The following CAMK2D variants were observed in gnomAD, a reference collection of about 807,000 sequenced individuals.
CAMK2D encodes calcium/calmodulin-dependent protein kinase type II subunit delta.
CAMK2D carries 37 observed loss-of-function variants against 84.0 expected under a neutral mutation model. The ratio of observed to expected loss-of-function variants is 0.44; its 90% CI spans 0.34 to 0.58. The LOEUF (loss-of-function observed/expected upper bound fraction) is 0.58, where lower values mean the gene tolerates loss of function less well. Among genes scored for constraint, CAMK2D ranks in the 20% least tolerant of loss-of-function variants. The pLI is 0.02. For synonymous variants in CAMK2D, 202 were observed against 212.5 expected (o/e 0.95, Z 0.43); for missense variants, 448 against 652.5 (o/e 0.69, Z 3.41).
chr4:113,568,232 T>TA (rs1243177393), intron 4 of CAMK2D, among the ~76,000 whole-genome samples: 5 of 152,128 alleles, frequency 3.3e-5, no homozygotes, highest in Non-Finnish European at 7.4e-5. Context: ...AACTATCCAT[T>TA]CCCCCTCTCC....
chr4:113,755,528 T>C (rs1365564807), intron 2 of CAMK2D, among the ~76,000 whole-genome samples: 1 of 151,946 alleles, frequency 6.6e-6, no homozygotes, highest in African/African-American at 2.4e-5. Flanking sequence ...TCAAATGGTT[T>C]CTAACGATCA....
At chr4:113,551,618 G>A (rs2098630080) in intron 5 of CAMK2D, among the ~76,000 whole-genome samples, 1 of 152,148 alleles carries the variant, frequency 6.6e-6, no homozygotes, top group Non-Finnish European at 1.5e-5. Flanking sequence ...TACATGGTTA[G>A]ACCAACTGAG....
At chr4:113,517,725 C>T in intron 8 of CAMK2D, 68 bp from the exon 9 acceptor site, 2 of 753,396 alleles carry the variant, frequency 2.7e-6, no homozygotes, top group East Asian at 2.5e-5. Context: ...TGTGGCTGAT[C>T]CACAATGATA....
chr4:113,693,954 A>T (rs2099395612), intron 2 of CAMK2D, among the ~76,000 whole-genome samples: 1 of 152,190 alleles, frequency 6.6e-6, no homozygotes, highest in South Asian at 2.1e-4. Context: ...ATTTTAATAT[A>T]TCTACTCACT....
chr4:113,552,660 C>G (rs567217309), intron 4 of CAMK2D, among the ~76,000 whole-genome samples: 1 of 152,268 alleles, frequency 6.6e-6, no homozygotes, highest in South Asian at 2.1e-4. Flanking sequence ...ATATCAGAAG[C>G]ATTTTCCCCT....
chr4:113,493,695 G>C (rs1338691251), intron 16 of CAMK2D, among the ~76,000 whole-genome samples: 1 of 151,954 alleles, frequency 6.6e-6, no homozygotes, highest in Non-Finnish European at 1.5e-5. Context: ...GGCCTGCCTT[G>C]CCAGATTGGG....
At chr4:113,504,037 A>T (rs2098093260) in intron 14 of CAMK2D, among the ~76,000 whole-genome samples, 1 of 152,180 alleles carries the variant, frequency 6.6e-6, no homozygotes, top group Admixed American at 6.5e-5. Context: ...TTACTAGTAG[A>T]TAACCTGTTA....
At chr4:113,599,497 C>T (rs915687655) in intron 4 of CAMK2D, among the ~76,000 whole-genome samples, 2 of 151,844 alleles carry the variant, frequency 1.3e-5, no homozygotes, top group East Asian at 1.9e-4. Context: ...TATTATTCAA[C>T]GACAAAAGGA....
chr4:113,500,717 G>T (rs2098027175), intron 15 of CAMK2D, among the ~76,000 whole-genome samples: 1 of 152,080 alleles, frequency 6.6e-6, no homozygotes, highest in African/African-American at 2.4e-5. Flanking sequence ...GAGTACTCTG[G>T]TTGCCTAATC....
intron 2 of CAMK2D, among the ~76,000 whole-genome samples, chr4:113,702,985 C>G (rs181469418): frequency 1.3e-5 from 2 of 152,188 alleles, no homozygotes; most frequent in Admixed American, 6.5e-5. Context: ...AATCTTAATT[C>G]AGACTAGACA....
At chr4:113,625,614 T>C (rs1361343014) in intron 3 of CAMK2D, among the ~76,000 whole-genome samples, 1 of 152,056 alleles carries the variant, frequency 6.6e-6, no homozygotes, top group African/African-American at 2.4e-5. Context: ...AGTGTGTCTG[T>C]AGAAGAGTGA....
At chr4:113,726,808 G>A (rs2099547158) in intron 2 of CAMK2D, among the ~76,000 whole-genome samples, 1 of 152,010 alleles carries the variant, frequency 6.6e-6, no homozygotes, top group African/African-American at 2.4e-5. Context: ...ACTTTCACTA[G>A]TACAGAAAAT....
chr4:113,486,877 A>G (rs1405065931), intron 16 of CAMK2D, among the ~76,000 whole-genome samples: 1 of 152,214 alleles, frequency 6.6e-6, no homozygotes, highest in Non-Finnish European at 1.5e-5. Flanking sequence ...GAATTAGCCC[A>G]GTCCGTTTGA....
intron 2 of CAMK2D, among the ~76,000 whole-genome samples, chr4:113,738,435 G>A (rs1265356686): frequency 6.6e-6 from 1 of 152,076 alleles, no homozygotes; most frequent in Non-Finnish European, 1.5e-5. Context: ...GAAAGAATGT[G>A]TGGGAAAGTT....
intron 2 of CAMK2D, among the ~76,000 whole-genome samples, chr4:113,752,774 T>C (rs1050030476): frequency 6.6e-6 from 1 of 152,172 alleles, no homozygotes; most frequent in Non-Finnish European, 1.5e-5. Flanking sequence ...ACTATATTGT[T>C]GTCCTTCCAG....
rs145380102 is a variant in CAMK2D at position 113,535,817 on chromosome 4, T to C, written c.517+1524A>G. Among the ~76,000 whole-genome samples, 26 of 152,314 alleles carry C rather than the reference T, an allele frequency of 1.7e-4. No homozygotes were observed. In the East Asian group the frequency reaches 5.0e-3, roughly 29 times the overall value. On this transcript the variant is annotated intron_variant, in intron 7 of 20. Coordinates refer to ENST00000511664, the MANE Select transcript of CAMK2D (RefSeq NM_001321571.2). ...AGGCAGGTTTTTGTACTTCCTGTCTTGTGTTCCCACAGCACCTCATACATT... is the reference window on the plus strand; with the variant it reads ...AGGCAGGTTTTTGTACTTCCTGTCTCGTGTTCCCACAGCACCTCATACATT...
chr4:113,469,872 T>G (rs1002314698), intron 16 of CAMK2D, among the ~76,000 whole-genome samples: 2 of 152,162 alleles, frequency 1.3e-5, no homozygotes, highest in Non-Finnish European at 2.9e-5. Context: ...TTTTGACTTT[T>G]TTTCCTCTTC....
intron 2 of CAMK2D, among the ~76,000 whole-genome samples, chr4:113,679,734 C>T (rs537842706): frequency 5.3e-5 from 8 of 152,180 alleles, no homozygotes; most frequent in Middle Eastern, 3.4e-3. Flanking sequence ...TTTGGAAATA[C>T]GCAGCATACA....
intron 13 of CAMK2D, among the ~76,000 whole-genome samples, chr4:113,509,353 CAG>C (rs1324804261): frequency 2.6e-5 from 4 of 152,114 alleles, no homozygotes; most frequent in African/African-American, 7.2e-5. Flanking sequence ...TGTAGTAAAT[CAG>C]AGAGATTAAG....
Sources: gnomAD v4.1 joint callset for allele counts (sites outside exome capture counted in the v4.1 genomes callset) on GRCh38, gnomAD v4.1.1 for gene constraint, MANE v1.5 for transcripts, NCBI Gene and HGNC (gene_info 2026-07-23, HGNC 2026-07-21) for gene names.